GCLC: variants seen among roughly 807,000 people sequenced by gnomAD.
GCLC encodes glutamate--cysteine ligase catalytic subunit.
Under a neutral mutation model 81.5 loss-of-function variants are expected in GCLC, and 30 were observed. That is an observed-to-expected ratio of 0.37 (90% CI 0.28 to 0.50). GCLC has a LOEUF of 0.50. GCLC is among the 20% of genes least tolerant of loss of function. GCLC has a pLI of 0.96. For missense variants in GCLC, 556 were observed against 777.4 expected (o/e 0.72, Z 3.39); for synonymous variants, 262 against 273.3 (o/e 0.96, Z 0.41).
At chr6:53,525,013 C>T (rs1763056583) in intron 1 of GCLC, among the ~76,000 whole-genome samples, 1 of 152,290 alleles carries the variant, frequency 6.6e-6, no homozygotes, top group East Asian at 1.9e-4. Context: ...AAAGTATAAT[C>T]ACTTCATGAT....
intron 1 of GCLC, among the ~76,000 whole-genome samples, chr6:53,525,270 C>T (rs1763060873): frequency 6.6e-6 from 1 of 152,164 alleles, no homozygotes; most frequent in Non-Finnish European, 1.5e-5. Flanking sequence ...CACCTCAACA[C>T]ATTTATGTTT....
At position 53,506,149 on chromosome 6, in the gene GCLC, C is replaced by T; in HGVS notation, c.1198-254G>A. ...CTCACCCAGCTCCTACTCCCTATCT[C>T]CCAGCTACAGAGCAGCATCTGAAGA... On this transcript the variant is annotated intron_variant, in intron 10 of 15. Coordinates refer to ENST00000650454, the MANE Select transcript of GCLC (RefSeq NM_001498.4). The surrounding 1 kb of genome is among the most constrained non-coding windows in gnomAD (Gnocchi z 4.0). 1 of 431,844 alleles carries T rather than the reference C, an allele frequency of 2.3e-6. No individual in the cohort carries two copies. The highest frequency in any genetic ancestry group is 4.3e-6 in the Non-Finnish European group (1 of 231,782). 26.8% of individuals were successfully genotyped at this position (431,844 alleles called of 1,614,324 possible).
chr6:53,507,736 C>A (rs1288780434), intron 8 of GCLC, 118 bp from the exon 9 acceptor site: 2 of 452,678 alleles, frequency 4.4e-6, no homozygotes, highest in Non-Finnish European at 7.6e-6. Context: ...GTTAGTGAGC[C>A]CTAAAAAGTA....
chr6:53,536,490 A>G (rs1372037177), intron 1 of GCLC, among the ~76,000 whole-genome samples: 2 of 152,250 alleles, frequency 1.3e-5, no homozygotes, highest in African/African-American at 4.8e-5. Flanking sequence ...TTTTAAAAAC[A>G]CCTGATTATA....
chr6:53,533,254 A>G (rs1763202129), intron 1 of GCLC, among the ~76,000 whole-genome samples: 1 of 152,234 alleles, frequency 6.6e-6, no homozygotes, highest in Admixed American at 6.5e-5. Flanking sequence ...CAAGATTTCA[A>G]ACATCATATG....
chr6:53,516,574 G>A (rs1764876529), intron 3 of GCLC, among the ~76,000 whole-genome samples: 1 of 152,154 alleles, frequency 6.6e-6, no homozygotes, highest in Non-Finnish European at 1.5e-5. Context: ...GCTGTCATGG[G>A]TGACAGGTGT....
intron 8 of GCLC, among the ~76,000 whole-genome samples, chr6:53,508,374 G>A (rs2127621210): frequency 6.6e-6 from 1 of 152,288 alleles, no homozygotes; most frequent in African/African-American, 2.4e-5. Flanking sequence ...ACAGCCATCA[G>A]CACTTCCAAA....
chr6:53,506,749 G>T lies in GCLC; in HGVS notation c.1197+164C>A. 2 of 629,014 alleles carry T rather than the reference G, an allele frequency of 3.2e-6. No individual in the cohort carries two copies. Among genetic ancestry groups the T allele is most frequent in the Non-Finnish European group, 2.9e-6 (1 of 348,946 alleles). 39.0% of individuals were successfully genotyped at this position (629,014 alleles called of 1,614,324 possible). Reference sequence around the variant, plus strand: ...TTTTTATTTGTCCAAGTTCTTTACTGCACTGGGTAAATGAAAGTCTTATGA... The same window carrying T: ...TTTTTATTTGTCCAAGTTCTTTACTTCACTGGGTAAATGAAAGTCTTATGA... On this transcript the variant is annotated intron_variant, in intron 10 of 15. Transcript: ENST00000650454. This position sits in a 1 kb window ranked among gnomAD's most constrained non-coding sequence, Gnocchi z 4.0.
At chr6:53,530,204 C>A (rs17882530) in intron 1 of GCLC, among the ~76,000 whole-genome samples, 5,488 of 152,254 alleles carry the variant, frequency 0.036, 171 homozygotes, top group Middle Eastern at 0.085. Context: ...AGGGACAGGA[C>A]GACAGGGCTT....
chr6:53,536,777 T>A lies in GCLC; in HGVS notation c.150+7719A>T, dbSNP rs141943597. ...ACTACAGACAGTACCAATCAATGAG[T>A]ACATCTGCTAATACCATACTTCTAG... On this transcript the variant is annotated intron_variant, in intron 1 of 15. Transcript: ENST00000650454. 1.8e-3 allele frequency among the ~76,000 whole-genome samples: 272 copies of A among 152,306 alleles called. 1 individual carries two copies. The highest frequency in any genetic ancestry group is 2.4e-3 in the Admixed American group (37 of 15,302).
chr6:53,522,992 T>A (rs1218908472), intron 1 of GCLC, among the ~76,000 whole-genome samples: 2 of 152,236 alleles, frequency 1.3e-5, no homozygotes, highest in Non-Finnish European at 2.9e-5. Flanking sequence ...TACACTTTCA[T>A]AATCCCACTA....
chr6:53,530,637 T>C (rs1581746022), intron 1 of GCLC, among the ~76,000 whole-genome samples: 3 of 152,148 alleles, frequency 2.0e-5, no homozygotes, highest in African/African-American at 7.2e-5. Context: ...AAGGCTGCAG[T>C]CACATTACTA....
rs1283917633 is a variant in GCLC at position 53,498,677 on chromosome 6, T to C, written c.*79A>G. The C allele has an allele frequency of 6.8e-6, 6 of 880,412 alleles. No individual in the cohort carries two copies. In the Admixed American group the frequency reaches 9.3e-5, roughly 14 times the overall value. The allele number at this position is 880,412 out of a possible 1,614,324, so 54.5% of individuals were successfully genotyped here. A position where few individuals can be genotyped will look rare whatever the true frequency, so the allele number is the denominator to read the frequency against. On this transcript the variant is annotated 3_prime_UTR_variant, in exon 16 of 16. Coordinates refer to ENST00000650454, the MANE Select transcript of GCLC (RefSeq NM_001498.4). The stretch of plus-strand genomic sequence containing the variant: ...GTACAGTTCTATCATTTGGTCTTCA[T>C]ATTATACACACGGGCTGGCTGAGAG...
rs1764426714 is a variant in GCLC, at chr6:53,498,650, CAG to C, written c.*104_*105del. 5.0e-6 allele frequency: 4 copies of C among 802,120 alleles called. No individual in the cohort carries two copies. Among genetic ancestry groups the C allele is most frequent in the African/African-American group, 1.7e-5 (1 of 59,332 alleles). The allele number at this position is 802,120 out of a possible 1,614,324, so 49.7% of individuals were successfully genotyped here. On this transcript the variant is annotated 3_prime_UTR_variant, in exon 16 of 16. Transcript: ENST00000650454. Reference sequence around the variant, plus strand: ...ATTTCTGGCTCACTGGCCCAGAAAACAGTACAGTTCTATCATTTGGTCTTCAT... The same window carrying C: ...ATTTCTGGCTCACTGGCCCAGAAAACTACAGTTCTATCATTTGGTCTTCAT...
chr6:53,516,770 C>A (rs1764882440), intron 3 of GCLC, among the ~76,000 whole-genome samples: 1 of 152,146 alleles, frequency 6.6e-6, no homozygotes, highest in African/African-American at 2.4e-5. Context: ...CTGCAGGTGT[C>A]CCCATCTACC....
At chr6:53,521,125 C>T (rs1320675237) in intron 2 of GCLC, among the ~76,000 whole-genome samples, 165 bp from the exon 3 acceptor site, 2 of 152,174 alleles carry the variant, frequency 1.3e-5, no homozygotes, top group Admixed American at 6.5e-5. Flanking sequence ...AGCTATTCAA[C>T]TACATAAGGG....
At chr6:53,501,648 G>A (rs1320459563) in intron 12 of GCLC, among the ~76,000 whole-genome samples, 1 of 152,180 alleles carries the variant, frequency 6.6e-6, no homozygotes, top group African/African-American at 2.4e-5. Context: ...ATTATGCAGG[G>A]AGTGCGATTG....
At chr6:53,522,628 T>G in intron 1 of GCLC, 101 bp from the exon 2 acceptor site, 2 of 735,854 alleles carry the variant, frequency 2.7e-6, no homozygotes, top group Non-Finnish European at 4.9e-6. Context: ...CTGTAAAGGA[T>G]CCACAGTAAC....
At chr6:53,514,794 G>C (rs1179968217) in intron 4 of GCLC, among the ~76,000 whole-genome samples, 1 of 152,200 alleles carries the variant, frequency 6.6e-6, no homozygotes, top group Non-Finnish European at 1.5e-5. Flanking sequence ...TTCAAAGTCT[G>C]CCATGGTCTG....
Sources: gnomAD v4.1 joint callset for allele counts (sites outside exome capture counted in the v4.1 genomes callset) on GRCh38, gnomAD v4.1.1 for gene constraint, Gnocchi (gnomAD v3.1) non-coding constraint, MANE v1.5 for transcripts, NCBI Gene and HGNC (gene_info 2026-07-23, HGNC 2026-07-21) for gene names.